The following NRXN3 variants were observed in gnomAD, a reference collection of about 807,000 sequenced individuals.
NRXN3 encodes the protein neurexin 3.
A neutral mutation model predicts 137.6 loss-of-function variants in NRXN3; 32 were observed. That is an observed-to-expected ratio of 0.23 (90% CI 0.18 to 0.31). NRXN3 has a LOEUF of 0.31. NRXN3 is among the 10% of genes least tolerant of loss of function. The probability of loss-of-function intolerance (pLI) is 1.00; values close to 1 mark genes in which losing one functional copy is unlikely to be tolerated. For missense variants in NRXN3, 1,574 were observed against 2,062.5 expected, an observed-to-expected ratio of 0.76 and a Z score of 4.59; for synonymous variants, 798 against 784.5, an observed-to-expected ratio of 1.02 and a Z score of -0.29.
chr14:79,474,698 G>A (rs1306805080), intron 16 of NRXN3, among the ~76,000 whole-genome samples: 1 of 152,022 alleles, frequency 6.6e-6, no homozygotes, highest in Non-Finnish European at 1.5e-5. Flanking sequence ...CTTCCAAAGG[G>A]CTCTAGACTC....
At position 78,320,827 on chromosome 14, in the gene NRXN3, C is replaced by T. The variant is rs568738110; in HGVS notation, c.757+22967C>T. 6.6e-5 allele frequency among the ~76,000 whole-genome samples: 10 copies of T among 152,268 alleles called. No individual in the cohort carries two copies. In the East Asian group the frequency reaches 1.9e-3, roughly 29 times the overall value. On this transcript the variant is annotated intron_variant, in intron 4 of 20. Coordinates refer to ENST00000335750, the MANE Select transcript of NRXN3 (RefSeq NM_001330195.2). The stretch of plus-strand genomic sequence containing the variant: ...AGATTCAGCATCTCACCTAAGATCA[C>T]CCAGCCCTGGCTGGGTGCGGTGGCT...
chr14:79,131,969 G>T (rs1568382699), intron 15 of NRXN3, among the ~76,000 whole-genome samples: 1 of 152,250 alleles, frequency 6.6e-6, no homozygotes. Context: ...CCCTTTCTTT[G>T]ACTAGGAAAG....
At chr14:78,288,401 G>A (rs191221578) in intron 3 of NRXN3, among the ~76,000 whole-genome samples, 1 of 152,316 alleles carries the variant, frequency 6.6e-6, no homozygotes, top group African/African-American at 2.4e-5. Context: ...CTATTGTAAT[G>A]TCAGTGGAAG....
chr14:78,864,299 C>G lies in NRXN3; in HGVS notation c.2275+53955C>G, dbSNP rs768441250. Among the ~76,000 whole-genome samples, 14 of 151,282 alleles carry G rather than the reference C, an allele frequency of 9.3e-5. 2 individuals are homozygous for G. In the South Asian group the frequency reaches 2.9e-3, roughly 32 times the overall value. On this transcript the variant is annotated intron_variant, in intron 10 of 20. Coordinates refer to ENST00000335750, the MANE Select transcript of NRXN3 (RefSeq NM_001330195.2). ...ATTTTTATCTTAGGTCCACCAATCC[C>G]TAACCATGTAATCTTGGGTAAATCT...
intron 16 of NRXN3, among the ~76,000 whole-genome samples, chr14:79,529,767 G>T (rs1041857381): frequency 2.0e-5 from 3 of 152,174 alleles, no homozygotes; most frequent in Non-Finnish European, 4.4e-5. Context: ...TCTAGAGAGA[G>T]AATTTTGATG....
At chr14:78,784,293 TG>T in intron 8 of NRXN3, among the ~76,000 whole-genome samples, 1 of 152,214 alleles carries the variant, frequency 6.6e-6, no homozygotes, top group Non-Finnish European at 1.5e-5. Context: ...GGAAACAGGG[TG>T]GCTGAATGCC....
intron 19 of NRXN3, among the ~76,000 whole-genome samples, chr14:79,764,977 T>C (rs371648313): frequency 2.0e-5 from 3 of 152,198 alleles, no homozygotes; most frequent in South Asian, 4.1e-4. Flanking sequence ...TTTTAAACAA[T>C]TAAATATGCT....
At chr14:78,488,552 A>G (rs1002804489) in intron 4 of NRXN3, among the ~76,000 whole-genome samples, 2 of 152,118 alleles carry the variant, frequency 1.3e-5, no homozygotes, top group Admixed American at 6.6e-5. Context: ...TTTTATTTTG[A>G]TATTTCAGAG....
At chr14:78,483,360 C>T (rs1406202355) in intron 4 of NRXN3, among the ~76,000 whole-genome samples, 1 of 152,200 alleles carries the variant, frequency 6.6e-6, no homozygotes, top group African/African-American at 2.4e-5. Context: ...TAGTAATTAG[C>T]TCAGTGTCAC....
chr14:78,803,696 G>A lies in NRXN3; in HGVS notation c.2121G>A (p.Glu707=), dbSNP rs17108255. Residue 707 remains glutamate, a synonymous_variant, in exon 9 of 21, where the codon GAG becomes GAA. Coordinates refer to ENST00000335750, the MANE Select transcript of NRXN3 (RefSeq NM_001330195.2). ...IMPMVMHTEA[E]DVSFRFMSQR... is the part of the protein sequence containing the mutation. ...CCATGGTCATGCATACTGAGGCAGA[G>A]GATGTGTCCTTCCGCTTCATGTCCC... The A allele has an allele frequency of 3.9e-3, 6,338 of 1,614,132 alleles. 194 individuals are homozygous for A. The African/African-American group carries it at 0.073, about 19-fold the overall frequency.
intron 15 of NRXN3, among the ~76,000 whole-genome samples, chr14:79,194,236 C>G (rs1053445739): frequency 2.0e-5 from 3 of 152,184 alleles, no homozygotes; most frequent in Non-Finnish European, 4.4e-5. Flanking sequence ...AGTGATTGCT[C>G]AGGTTATTTC....
At chr14:78,626,561 T>C (rs894377407) in intron 4 of NRXN3, among the ~76,000 whole-genome samples, 2 of 152,370 alleles carry the variant, frequency 1.3e-5, no homozygotes, top group Middle Eastern at 3.4e-3. Flanking sequence ...CTGACCTCTA[T>C]GTGAATGGAT....
chr14:78,922,324 A>G (rs765325183), intron 10 of NRXN3, among the ~76,000 whole-genome samples: 5 of 152,224 alleles, frequency 3.3e-5, no homozygotes, highest in Non-Finnish European at 7.3e-5. Context: ...AACTTCCCAG[A>G]ATATAATTAG....
chr14:78,629,282 TC>T (rs2097498312), intron 4 of NRXN3, among the ~76,000 whole-genome samples: 4 of 152,224 alleles, frequency 2.6e-5, no homozygotes, highest in Admixed American at 2.6e-4. Context: ...TTGGCTCCTT[TC>T]TCTCTCCTTT....
chr14:78,286,452 C>G (rs1026732103), intron 3 of NRXN3, among the ~76,000 whole-genome samples: 11 of 152,130 alleles, frequency 7.2e-5, no homozygotes, highest in Non-Finnish European at 1.5e-4. Context: ...TTTGGGACAG[C>G]CTTGGAGACC....
intron 3 of NRXN3, among the ~76,000 whole-genome samples, chr14:78,289,143 G>A (rs545521099): frequency 7.6e-4 from 115 of 152,158 alleles, no homozygotes; most frequent in Non-Finnish European, 1.4e-3. Flanking sequence ...CCAGCAATTC[G>A]ATCCATTCTC....
At chr14:79,833,528 C>T (rs1442692607) in intron 20 of NRXN3, among the ~76,000 whole-genome samples, 1 of 152,018 alleles carries the variant, frequency 6.6e-6, no homozygotes, top group African/African-American at 2.4e-5. Flanking sequence ...ACGGACAAAA[C>T]CTCCTGAATT....
At chr14:79,029,159 A>G (rs1346317128) in intron 15 of NRXN3, among the ~76,000 whole-genome samples, 1 of 152,086 alleles carries the variant, frequency 6.6e-6, no homozygotes, top group Non-Finnish European at 1.5e-5. Flanking sequence ...GGAAGAAAGG[A>G]AAGAGAGAGG....
chr14:79,846,932 TGTG>T (rs2099377156), intron 20 of NRXN3, among the ~76,000 whole-genome samples: 1 of 152,220 alleles, frequency 6.6e-6, no homozygotes, highest in Non-Finnish European at 1.5e-5. Context: ...GCTTTAAAGT[TGTG>T]GTGACTACAA....
Sources: gnomAD v4.1 joint callset for allele counts (sites outside exome capture counted in the v4.1 genomes callset) on GRCh38, gnomAD v4.1.1 for gene constraint, MANE v1.5 for transcripts, NCBI Gene and HGNC (gene_info 2026-07-23, HGNC 2026-07-21) for gene names.